IL1RAP: variants seen among roughly 807,000 people sequenced by gnomAD.
The protein encoded by IL1RAP is interleukin-1 receptor accessory protein.
In IL1RAP, 35 loss-of-function variants were observed where a neutral mutation model predicts 60.7. That is an observed-to-expected ratio of 0.58 (90% CI 0.44 to 0.76). The LOEUF is 0.76. Among genes scored for constraint, IL1RAP ranks in the 30% least tolerant of loss-of-function variants. IL1RAP has a pLI of 0.00. For synonymous variants in IL1RAP, 268 were observed against 250.9 expected (o/e 1.07, Z -0.64); for missense variants, 572 against 693.9 (o/e 0.82, Z 1.97).
chr3:190,549,037 A>G (rs1724622974), intron 1 of IL1RAP, among the ~76,000 whole-genome samples: 1 of 152,176 alleles, frequency 6.6e-6, no homozygotes, highest in African/African-American at 2.4e-5. Context: ...TCACGTGACT[A>G]GGAAAGATTA....
chr3:190,593,920 A>G (rs1729164119), intron 3 of IL1RAP, among the ~76,000 whole-genome samples: 1 of 152,226 alleles, frequency 6.6e-6, no homozygotes, highest in South Asian at 2.1e-4. Context: ...AAAAATGTCT[A>G]GATATTTAAA....
intron 2 of IL1RAP, among the ~76,000 whole-genome samples, chr3:190,561,926 A>G (rs957812747): frequency 6.6e-6 from 1 of 152,172 alleles, no homozygotes; most frequent in South Asian, 2.1e-4. Context: ...GCAGTGCTCT[A>G]TAAAGTACAA....
chr3:190,522,130 A>C (rs561639437), intron 1 of IL1RAP, among the ~76,000 whole-genome samples: 1 of 152,112 alleles, frequency 6.6e-6, no homozygotes, highest in African/African-American at 2.4e-5. Context: ...AGAGTGAGAC[A>C]GTGGTGGGGG....
At chr3:190,612,699 G>C (rs1380777827) in intron 5 of IL1RAP, among the ~76,000 whole-genome samples, 1 of 152,098 alleles carries the variant, frequency 6.6e-6, no homozygotes, top group African/African-American at 2.4e-5. Context: ...GGTATGTCAA[G>C]TAGCTTCTTA....
chr3:190,621,721 A>T (rs1422347913), intron 6 of IL1RAP, among the ~76,000 whole-genome samples: 1 of 150,582 alleles, frequency 6.6e-6, no homozygotes, highest in African/African-American at 2.5e-5. Flanking sequence ...TTTATTTCTC[A>T]TAGTGAAACT....
At chr3:190,599,262 T>G (rs1231083831) in intron 3 of IL1RAP, among the ~76,000 whole-genome samples, 4 of 152,192 alleles carry the variant, frequency 2.6e-5, no homozygotes, top group Non-Finnish European at 5.9e-5. Flanking sequence ...CTCTCATTTT[T>G]GTGGCACACA....
At chr3:190,632,007 T>C (rs1401250309) in intron 9 of IL1RAP, among the ~76,000 whole-genome samples, 5 of 151,968 alleles carry the variant, frequency 3.3e-5, no homozygotes, top group Non-Finnish European at 5.9e-5. Flanking sequence ...TTCACCATGT[T>C]GGCCAGGCTG....
At chr3:190,530,255 T>C (rs1167188304) in intron 1 of IL1RAP, among the ~76,000 whole-genome samples, 4 of 152,138 alleles carry the variant, frequency 2.6e-5, no homozygotes. Context: ...CCTTAAATGC[T>C]CTGTTAAGAA....
chr3:190,651,172 T>TAAAAAAA lies in IL1RAP; in HGVS notation c.*2469_*2475dup, dbSNP rs1197385760. On this transcript the variant is annotated 3_prime_UTR_variant, in exon 12 of 12. Transcript: ENST00000447382. ...GAACAAACCATGTCTCAAATTTTTTTAAAAAAAATTAATGGTTTTAAATAT... is the reference window on the plus strand; with the variant it reads ...GAACAAACCATGTCTCAAATTTTTTTAAAAAAAAAAAAAAATTAATGGTTTTAAATAT... The TAAAAAAA allele has an allele frequency of 1.5e-4, 149 of 981,094 alleles. No homozygotes were observed. The African/African-American group carries it at 2.4e-3, about 16-fold the overall frequency. 60.8% of individuals were successfully genotyped at this position (981,094 alleles called of 1,614,324 possible). A position where few individuals can be genotyped will look rare whatever the true frequency, so the allele number is the denominator to read the frequency against.
At chr3:190,532,720 T>TC (rs1183001331) in intron 1 of IL1RAP, among the ~76,000 whole-genome samples, 1 of 152,124 alleles carries the variant, frequency 6.6e-6, no homozygotes, top group Non-Finnish European at 1.5e-5. Context: ...GTGCCGTGCA[T>TC]CCCATGGCCC....
chr3:190,618,489 A>G (rs1292183096), intron 5 of IL1RAP, among the ~76,000 whole-genome samples: 1 of 152,186 alleles, frequency 6.6e-6, no homozygotes, highest in Non-Finnish European at 1.5e-5. Flanking sequence ...CTACTGTGTT[A>G]TCTAGAATAT....
rs1306185649 is a variant in IL1RAP at position 190,658,790 on chromosome 3, A to C, written c.*2183A>C. ...CTTTCTTTGTCGAAACAAACAAACA[A>C]ACAAAAAACTAGAAGATTCCTACTC... On this transcript the variant is annotated 3_prime_UTR_variant, in exon 12 of 12. Coordinates refer to the IL1RAP transcript ENST00000317757. The C allele has an allele frequency of 1.3e-5, 2 of 152,200 alleles. 1 individual carries two copies. The highest frequency in any genetic ancestry group is 4.1e-4 in the South Asian group (2 of 4,832). 9.4% of individuals were successfully genotyped at this position (152,200 alleles called of 1,614,324 possible).
At chr3:190,640,924 G>A (rs190026952) in intron 9 of IL1RAP, among the ~76,000 whole-genome samples, 38 of 152,182 alleles carry the variant, frequency 2.5e-4, no homozygotes, top group Admixed American at 8.5e-4. Context: ...CAGTTTGGTC[G>A]TACTACATCA....
At position 190,542,826 on chromosome 3, in the gene IL1RAP, G is replaced by A. The variant is rs569724865; in HGVS notation, c.-88-13304G>A. ...AACTGCTTCCTGAAAGCTTTTGGGG[G>A]TTAGAAATGGCCATTCGAGTTATCC... is the stretch of plus-strand genomic sequence containing the variant. On this transcript the variant is annotated intron_variant, in intron 1 of 11. Transcript: ENST00000447382. Among the ~76,000 whole-genome samples, 10 of 151,426 alleles carry A rather than the reference G, an allele frequency of 6.6e-5. No individual in the cohort carries two copies. The South Asian group carries it at 1.0e-3, about 16-fold the overall frequency.
At chr3:190,646,360 T>C (rs1734015817) in intron 11 of IL1RAP, among the ~76,000 whole-genome samples, 1 of 152,192 alleles carries the variant, frequency 6.6e-6, no homozygotes, top group Non-Finnish European at 1.5e-5. Flanking sequence ...ATTTGCTCTT[T>C]TTTTTCCCCC....
In IL1RAP at chr3:190,636,832, C is replaced by A. The variant is rs193087642; in HGVS notation, c.1051+7334C>A. Reference sequence around the variant, plus strand: ...ATTAATATGACTGCCTTTAAGTTTACCATCTTGCTATTTGTTGTCCACCTG... The same window carrying A: ...ATTAATATGACTGCCTTTAAGTTTAACATCTTGCTATTTGTTGTCCACCTG... On this transcript the variant is annotated intron_variant, in intron 9 of 11. Transcript: ENST00000447382. Among the ~76,000 whole-genome samples, 5 of 152,054 alleles carry A rather than the reference C, an allele frequency of 3.3e-5. No homozygotes were observed. In the East Asian group the frequency reaches 9.6e-4, roughly 29 times the overall value.
At chr3:190,632,530 A>G (rs1394697467) in intron 9 of IL1RAP, among the ~76,000 whole-genome samples, 3 of 152,258 alleles carry the variant, frequency 2.0e-5, no homozygotes, top group Non-Finnish European at 4.4e-5. Flanking sequence ...CAGATATATG[A>G]ATTGTTAATA....
At chr3:190,633,426 G>A (rs137942497) in intron 9 of IL1RAP, among the ~76,000 whole-genome samples, 3,081 of 152,032 alleles carry the variant, frequency 0.02, 90 homozygotes, top group African/African-American at 0.07. Flanking sequence ...GCGTGATCTC[G>A]GCTCACTGCA....
intron 3 of IL1RAP, among the ~76,000 whole-genome samples, chr3:190,565,176 AAAG>A (rs1227024511): frequency 6.6e-6 from 1 of 151,802 alleles, no homozygotes; most frequent in Non-Finnish European, 1.5e-5. Flanking sequence ...GAAAAAAAAA[AAAG>A]AAACAAACAA....
Sources: allele counts gnomAD v4.1 joint callset (sites outside exome capture counted in the v4.1 genomes callset), GRCh38; gene constraint gnomAD v4.1.1; transcripts MANE v1.5; gene names NCBI Gene and HGNC (gene_info 2026-07-23, HGNC 2026-07-21).